Variants in SPMIP7 observed in about 807,000 individuals in gnomAD.
The protein encoded by SPMIP7 is sperm microtubule inner protein 7.
chr7:50,127,171 C>T, the SPMIP7 span, among the ~76,000 whole-genome samples: 333 of 152,080 alleles, frequency 2.2e-3, 1 homozygote, highest in Non-Finnish European at 3.6e-3. Flanking sequence ...ACAGTCTTTT[C>T]CATAAATGGT....
the SPMIP7 span, among the ~76,000 whole-genome samples, chr7:50,145,053 G>A: frequency 6.6e-6 from 1 of 151,940 alleles, no homozygotes; most frequent in Non-Finnish European, 1.5e-5. Flanking sequence ...CCTGAGGTGA[G>A]GAGTTGGAGA....
chr7:50,130,311 C>A, the SPMIP7 span, among the ~76,000 whole-genome samples: 1 of 152,056 alleles, frequency 6.6e-6, no homozygotes, highest in Non-Finnish European at 1.5e-5. Flanking sequence ...GGAGGCCTCA[C>A]AATCATGGCA....
At chr7:50,104,260 G>C in the SPMIP7 span, 1 of 823,212 alleles carries the variant, frequency 1.2e-6, no homozygotes, top group Admixed American at 2.5e-5. Context: ...TGTTGAAAAA[G>C]AACTTTTATT....
chr7:50,114,945 A>C, the SPMIP7 span, among the ~76,000 whole-genome samples: 1 of 151,146 alleles, frequency 6.6e-6, no homozygotes, highest in Non-Finnish European at 1.5e-5. Flanking sequence ...CAGTAGAGAC[A>C]CTTGAACCTG....
At chr7:50,104,165 G>A in the SPMIP7 span, 1 of 408,246 alleles carries the variant, frequency 2.4e-6, no homozygotes, top group Non-Finnish European at 4.6e-6. Flanking sequence ...TGTTCTCACA[G>A]CTAAAAGATC....
chr7:50,134,904 C>T, the SPMIP7 span, among the ~76,000 whole-genome samples: 2 of 152,146 alleles, frequency 1.3e-5, no homozygotes, highest in African/African-American at 2.4e-5. Flanking sequence ...ATCCACACTC[C>T]TTGACGTGAC....
chr7:50,114,317 T>C, the SPMIP7 span, among the ~76,000 whole-genome samples: 2 of 152,126 alleles, frequency 1.3e-5, no homozygotes, highest in Admixed American at 1.3e-4. Flanking sequence ...TAGTAATGTG[T>C]TTCAGGTTTA....
the SPMIP7 span, among the ~76,000 whole-genome samples, chr7:50,121,027 G>A: frequency 6.6e-6 from 1 of 152,058 alleles, no homozygotes; most frequent in Non-Finnish European, 1.5e-5. Context: ...CCTCCCTCCT[G>A]TGTTATATCC....
the SPMIP7 span, among the ~76,000 whole-genome samples, chr7:50,131,356 G>A: frequency 6.6e-6 from 1 of 152,164 alleles, no homozygotes; most frequent in Non-Finnish European, 1.5e-5. Flanking sequence ...GAAGGCAGTG[G>A]AGAAGTCAGT....
the SPMIP7 span, among the ~76,000 whole-genome samples, chr7:50,153,307 T>G: frequency 6.6e-6 from 1 of 152,162 alleles, no homozygotes; most frequent in Non-Finnish European, 1.5e-5. Context: ...CTTAAAACTT[T>G]CAGAAAGGCA....
chr7:50,118,698 C>T, the SPMIP7 span, among the ~76,000 whole-genome samples: 13 of 152,322 alleles, frequency 8.5e-5, no homozygotes, highest in African/African-American at 2.9e-4. Context: ...CCAATGGCAT[C>T]ACCATTGTCC....
the SPMIP7 span, among the ~76,000 whole-genome samples, chr7:50,138,818 G>A: frequency 6.6e-6 from 1 of 150,886 alleles, no homozygotes; most frequent in East Asian, 2.0e-4. Flanking sequence ...AATACACAAC[G>A]CTGTACTCAA....
chr7:50,105,257 G>C, the SPMIP7 span, among the ~76,000 whole-genome samples: 2 of 152,136 alleles, frequency 1.3e-5, no homozygotes, highest in Non-Finnish European at 2.9e-5. Context: ...CTTAAAGAGT[G>C]CAATTCAATG....
At chr7:50,146,947 G>A in the SPMIP7 span, among the ~76,000 whole-genome samples, 2 of 152,200 alleles carry the variant, frequency 1.3e-5, no homozygotes, top group African/African-American at 4.8e-5. Context: ...CTGACTGATG[G>A]CCAATTATAG....
At chr7:50,143,240 C>T in the SPMIP7 span, among the ~76,000 whole-genome samples, 4 of 149,748 alleles carry the variant, frequency 2.7e-5, no homozygotes, top group Non-Finnish European at 5.9e-5. Flanking sequence ...TCTCGGCTCA[C>T]TGCAACCTCT....
chr7:50,104,078 T>G, the SPMIP7 span, among the ~76,000 whole-genome samples: 1 of 152,236 alleles, frequency 6.6e-6, no homozygotes, highest in African/African-American at 2.4e-5. Flanking sequence ...AATAGGTATC[T>G]TCTAATAATA....
chr7:50,125,094 GTATA>G, the SPMIP7 span, among the ~76,000 whole-genome samples: 2,913 of 73,774 alleles, frequency 0.039, 967 homozygotes, highest in East Asian at 0.057. Context: ...GTGAGATTAA[GTATA>G]TATATATATA....
chr7:50,155,780 C>T, the SPMIP7 span, among the ~76,000 whole-genome samples: 6 of 152,394 alleles, frequency 3.9e-5, no homozygotes, highest in Non-Finnish European at 7.3e-5. Flanking sequence ...TGGGGGTCCT[C>T]GCAATCCCTC....
At chr7:50,123,884 ATAATTACAT>A in the SPMIP7 span, among the ~76,000 whole-genome samples, 2 of 152,160 alleles carry the variant, frequency 1.3e-5, no homozygotes, top group African/African-American at 4.8e-5. Context: ...CAAATATATC[ATAATTACAT>A]TAATTACATT....
Sources: gnomAD v4.1 joint callset for allele counts (sites outside exome capture counted in the v4.1 genomes callset) on GRCh38, gnomAD v4.1.1 for gene constraint, MANE v1.5 for transcripts, NCBI Gene and HGNC (gene_info 2026-07-23, HGNC 2026-07-21) for gene names.